ZNF93: variants seen among roughly 807,000 people sequenced by gnomAD.
ZNF93 encodes zinc finger protein 505.
In ZNF93, 29 loss-of-function variants were observed where a neutral mutation model predicts 45.0. The observed-to-expected ratio is 0.64, with a 90% confidence interval of 0.48 to 0.88. The LOEUF is 0.88. Among genes scored for constraint, ZNF93 ranks in the 40% least tolerant of loss-of-function variants. The pLI is 0.00. For synonymous variants in ZNF93, 223 were observed against 244.6 expected (o/e 0.91, Z 0.82); for missense variants, 578 against 724.0 (o/e 0.80, Z 2.31).
Position 19,933,901 on chromosome 19 carries a change from G to A in ZNF93, c.946G>A (p.Glu316Lys), listed in dbSNP as rs767062866. 23 of 1,612,780 alleles carry A rather than the reference G, an allele frequency of 1.4e-5. No homozygotes were observed. In the Admixed American group the frequency reaches 3.7e-4, roughly 26 times the overall value. ...IHTGEKPYVC[E>K]ECGKAFKYSR... The stretch of plus-strand genomic sequence containing the variant: ...TACTGGAGAGAAGCCCTACGTTTGT[G>A]AAGAATGTGGCAAAGCCTTTAAGTA... The change falls in exon 4 of 4, where the codon GAA (glutamate) becomes AAA (lysine). Residue 316 changes from glutamate to lysine, a missense_variant. Physicochemically the swap from Glu to Lys is moderately conservative, Grantham distance 56. Coordinates refer to ENST00000343769, the MANE Select transcript of ZNF93 (RefSeq NM_031218.4).
chr19:19,930,929 T>C (rs1052134304), intron 3 of ZNF93, among the ~76,000 whole-genome samples: 38 of 152,174 alleles, frequency 2.5e-4, no homozygotes, highest in African/African-American at 8.7e-4. Flanking sequence ...AATTTTTGTC[T>C]TGTAGAAGTA....
chr19:19,903,359 G>C (rs1003307485), intron 1 of ZNF93, among the ~76,000 whole-genome samples: 4 of 152,232 alleles, frequency 2.6e-5, no homozygotes, highest in African/African-American at 9.6e-5. Flanking sequence ...AAGTGGGGCT[G>C]TATGTTGACT....
chr19:19,915,194 T>A (rs2063320075), intron 1 of ZNF93, 86 bp from the exon 2 acceptor site: 1 of 1,606,254 alleles, frequency 6.2e-7, no homozygotes, highest in Non-Finnish European at 8.5e-7. Flanking sequence ...CAGAACCACT[T>A]CTCTTTACTC....
At chr19:19,928,668 TAG>T (rs2063363210) in intron 3 of ZNF93, among the ~76,000 whole-genome samples, 1 of 152,180 alleles carries the variant, frequency 6.6e-6, no homozygotes, top group Non-Finnish European at 1.5e-5. Context: ...GGTAGGACTG[TAG>T]ACATGCACTA....
intron 3 of ZNF93, among the ~76,000 whole-genome samples, chr19:19,917,520 A>G (rs1038222947): frequency 3.9e-5 from 6 of 151,942 alleles, no homozygotes; most frequent in African/African-American, 1.2e-4. Flanking sequence ...CCATTCATAT[A>G]CTTGTGTGTT....
chr19:19,916,559 G>T lies in ZNF93; in HGVS notation c.131-1G>T. ...CATGTTATTTATTCTTAACAAAACA[G>T]GTATTGTTGTCTCTAAGCCAGACCT... is the stretch of plus-strand genomic sequence containing the variant. On this transcript the variant is annotated splice_acceptor_variant, in intron 2 of 3. Transcript: ENST00000343769. LOFTEE classifies it high-confidence loss of function. 1 of 1,610,448 alleles carries T rather than the reference G, an allele frequency of 6.2e-7. No homozygotes were observed. The highest frequency in any genetic ancestry group is 1.7e-5 in the Admixed American group (1 of 59,714).
In ZNF93 at chr19:19,933,252, A is replaced by T; in HGVS notation, c.297A>T (p.Ile99=). 1 of 1,610,310 alleles carries T rather than the reference A, an allele frequency of 6.2e-7. No homozygotes were observed. Among genetic ancestry groups the T allele is most frequent in the Non-Finnish European group, 8.5e-7 (1 of 1,178,292 alleles). ...QNIKDSFQKV[I]LRRYEKRGHG... is the part of the protein sequence containing the mutation. ...TAAAAGATTCTTTCCAAAAAGTGAT[A>T]CTGAGAAGATATGAAAAACGTGGAC... Residue 99 remains isoleucine, a synonymous_variant, in exon 4 of 4, where the codon ATA becomes ATT. Transcript: ENST00000343769.
chr19:19,922,355 T>G (rs1568510895), intron 3 of ZNF93, among the ~76,000 whole-genome samples: 1 of 152,212 alleles, frequency 6.6e-6, no homozygotes, highest in Non-Finnish European at 1.5e-5. Flanking sequence ...AACCTGACCT[T>G]TCTCTCTGGC....
At position 19,912,981 on chromosome 19, in the gene ZNF93, A is replaced by G. The variant is rs966111641; in HGVS notation, c.4-2299A>G. Among the ~76,000 whole-genome samples the G allele has an allele frequency of 7.9e-5, 12 of 152,346 alleles. No homozygotes were observed. In the South Asian group the frequency reaches 1.7e-3, roughly 21 times the overall value. On this transcript the variant is annotated intron_variant, in intron 1 of 3. Transcript: ENST00000343769. ...TTTCCTCTGTAAATTTTAAAGAGCC[A>G]GCAAAAAATATAAAACTTTTAAATG...
chr19:19,929,556 A>G (rs2122193522), intron 3 of ZNF93, among the ~76,000 whole-genome samples: 1 of 152,316 alleles, frequency 6.6e-6, no homozygotes. Flanking sequence ...TTAGTTATAC[A>G]TTCCTGCTAA....
At chr19:19,912,240 CA>C (rs1480360031) in intron 1 of ZNF93, among the ~76,000 whole-genome samples, 2 of 152,004 alleles carry the variant, frequency 1.3e-5, no homozygotes, top group African/African-American at 4.8e-5. Flanking sequence ...AGCTTAGAAA[CA>C]AAACAAAACT....
intron 3 of ZNF93, among the ~76,000 whole-genome samples, chr19:19,917,917 T>TTTCC (rs10588675): frequency 6.6e-5 from 10 of 150,722 alleles, no homozygotes; most frequent in Admixed American, 6.6e-5. Context: ...AGTGACTTTC[T>TTTCC]TTCCTTCCTT....
intron 3 of ZNF93, among the ~76,000 whole-genome samples, chr19:19,923,080 C>G (rs985152874): frequency 6.6e-6 from 1 of 152,126 alleles, no homozygotes; most frequent in Admixed American, 6.5e-5. Context: ...TACCTTTGGT[C>G]TTTGATGATG....
intron 1 of ZNF93, chr19:19,908,154 G>A (rs961558682): frequency 3.9e-5 from 6 of 152,212 alleles, no homozygotes; most frequent in Middle Eastern, 3.4e-3. Context: ...GCTATTACAG[G>A]ACAAATAAAG....
chr19:19,922,913 C>T (rs1599571185), intron 3 of ZNF93, among the ~76,000 whole-genome samples: 2 of 152,224 alleles, frequency 1.3e-5, no homozygotes, highest in East Asian at 1.9e-4. Context: ...GAAGTTTGAT[C>T]GTCTGAAGCC....
chr19:19,900,983 A>G lies in ZNF93; in HGVS notation c.-106A>G. The G allele has an allele frequency of 1.3e-6, 2 of 1,549,900 alleles. No homozygotes were observed. Among genetic ancestry groups the G allele is most frequent in the Non-Finnish European group, 1.8e-6 (2 of 1,124,470 alleles). ...AGCCGGAGCTCCAGGTCTCCTCTTCACTACTCTGTGTCCTGTGCTCCTACA... is the reference window on the plus strand; with the variant it reads ...AGCCGGAGCTCCAGGTCTCCTCTTCGCTACTCTGTGTCCTGTGCTCCTACA... On this transcript the variant is annotated 5_prime_UTR_variant, in exon 1 of 4. Coordinates refer to ENST00000343769, the MANE Select transcript of ZNF93 (RefSeq NM_031218.4).
At position 19,934,269 on chromosome 19, in the gene ZNF93, A is replaced by C; in HGVS notation, c.1314A>C (p.Ser438=). Residue 438 remains serine, a synonymous_variant, in exon 4 of 4, where the codon TCA becomes TCC. Coordinates refer to ENST00000343769, the MANE Select transcript of ZNF93 (RefSeq NM_031218.4). ...EECGKAFVAS[S]TLSKHEIIHT... Reference sequence around the variant, plus strand: ...GTGGCAAAGCCTTTGTTGCATCCTCAACCCTTAGTAAACATGAGATCATTC... The same window carrying C: ...GTGGCAAAGCCTTTGTTGCATCCTCCACCCTTAGTAAACATGAGATCATTC... 1 of 1,612,704 alleles carries C rather than the reference A, an allele frequency of 6.2e-7. No homozygotes were observed. Among genetic ancestry groups the C allele is most frequent in the Non-Finnish European group, 8.5e-7 (1 of 1,179,916 alleles).
At chr19:19,929,293 A>C (rs745639136) in intron 3 of ZNF93, among the ~76,000 whole-genome samples, 99 of 152,186 alleles carry the variant, frequency 6.5e-4, no homozygotes, top group Non-Finnish European at 1.2e-3. Flanking sequence ...GAGCCAAATA[A>C]ACAATTTTTC....
At chr19:19,929,368 TGTC>T in intron 3 of ZNF93, among the ~76,000 whole-genome samples, 1 of 152,312 alleles carries the variant, frequency 6.6e-6, no homozygotes, top group East Asian at 1.9e-4. Context: ...TCTATAATGT[TGTC>T]TAAGTTTTTT....
Sources: gnomAD v4.1 joint callset for allele counts (sites outside exome capture counted in the v4.1 genomes callset) on GRCh38, gnomAD v4.1.1 for gene constraint, MANE v1.5 for transcripts, NCBI Gene and HGNC (gene_info 2026-07-23, HGNC 2026-07-21) for gene names.